The following SV2C variants were observed in gnomAD, a reference collection of about 807,000 sequenced individuals.
The protein encoded by SV2C is solute carrier family 22 member B3.
A neutral mutation model predicts 79.7 loss-of-function variants in SV2C; 49 were observed. That is an observed-to-expected ratio of 0.61 (90% CI 0.49 to 0.78). The LOEUF is 0.78. SV2C is among the 30% of genes least tolerant of loss of function. The probability of loss-of-function intolerance (pLI) is 0.00; values close to 1 mark genes in which losing one functional copy is unlikely to be tolerated. For synonymous variants in SV2C, 334 were observed against 333.2 expected (o/e 1.00, Z -0.03); for missense variants, 833 against 912.9 (o/e 0.91, Z 1.13).
At chr5:76,243,327 C>G (rs181874511) in intron 4 of SV2C, among the ~76,000 whole-genome samples, 1 of 152,332 alleles carries the variant, frequency 6.6e-6, no homozygotes, top group African/African-American at 2.4e-5. Context: ...ATTAGTTCTA[C>G]AGTCAACAAA....
the SV2C span, among the ~76,000 whole-genome samples, chr5:76,023,423 G>T: frequency 6.6e-6 from 1 of 152,090 alleles, no homozygotes. Context: ...TGATCCAAGA[G>T]CTCTGAAATA....
intron 4 of SV2C, among the ~76,000 whole-genome samples, chr5:76,279,888 G>T (rs1747129588): frequency 6.6e-6 from 1 of 152,172 alleles, no homozygotes; most frequent in African/African-American, 2.4e-5. Context: ...TTCCGTCCTT[G>T]AGGGAAAGAG....
chr5:76,295,181 C>T (rs1258928843), intron 8 of SV2C, among the ~76,000 whole-genome samples: 1 of 152,164 alleles, frequency 6.6e-6, no homozygotes, highest in African/African-American at 2.4e-5. Flanking sequence ...ACTGGAAGTC[C>T]AAGCTCAAGC....
At position 76,327,922 on chromosome 5, in the gene SV2C, C is replaced by T. The variant is rs771454354; in HGVS notation, c.*2375C>T. ...CCATCCGTGTCCCCTGCAGAAGGAC[C>T]GTTCTTGGCCTACTTGTTACCTAAT... On this transcript the variant is annotated 3_prime_UTR_variant, in exon 13 of 13. Transcript: ENST00000502798. 2.6e-5 allele frequency: 4 copies of T among 152,194 alleles called. No individual in the cohort carries two copies. Among genetic ancestry groups the T allele is most frequent in the African/African-American group, 2.4e-5 (1 of 41,426 alleles). 9.4% of individuals were successfully genotyped at this position (152,194 alleles called of 1,614,324 possible). A position where few individuals can be genotyped will look rare whatever the true frequency, so the allele number is the denominator to read the frequency against.
chr5:75,859,651 G>A, the SV2C span, among the ~76,000 whole-genome samples: 10 of 152,186 alleles, frequency 6.6e-5, no homozygotes, highest in South Asian at 2.1e-3. Flanking sequence ...TGCCCCTAGA[G>A]CATAACCACT....
the SV2C span, among the ~76,000 whole-genome samples, chr5:76,039,657 G>A: frequency 1.3e-5 from 2 of 151,576 alleles, no homozygotes; most frequent in African/African-American, 4.8e-5. Context: ...TCGAGAGGCA[G>A]GGGCAGGAGA....
chr5:75,907,660 A>G, the SV2C span, among the ~76,000 whole-genome samples: 2 of 152,228 alleles, frequency 1.3e-5, no homozygotes, highest in Non-Finnish European at 2.9e-5. Context: ...GCTAGTGGCT[A>G]CTGGTTGGGA....
the SV2C span, among the ~76,000 whole-genome samples, chr5:76,056,444 T>A: frequency 7.9e-5 from 12 of 152,146 alleles, no homozygotes; most frequent in Admixed American, 7.9e-4. Context: ...GATATTGGCA[T>A]GAAGTTTTCT....
At chr5:76,291,355 C>T in intron 7 of SV2C, 24 bp downstream of exon 7, 1 of 1,541,632 alleles carries the variant, frequency 6.5e-7, no homozygotes, top group Non-Finnish European at 8.8e-7. Context: ...CCCATGATGA[C>T]CTGCATGTTA....
chr5:76,133,949 A>G (rs1302001364), intron 2 of SV2C, among the ~76,000 whole-genome samples: 1 of 152,222 alleles, frequency 6.6e-6, no homozygotes, highest in Admixed American at 6.5e-5. Context: ...GCTTAAATTT[A>G]GAATAAAAAA....
At chr5:76,139,349 G>A (rs1749176658) in intron 2 of SV2C, among the ~76,000 whole-genome samples, 1 of 152,164 alleles carries the variant, frequency 6.6e-6, no homozygotes, top group African/African-American at 2.4e-5. Flanking sequence ...GAATGCTGTA[G>A]CTAAGACCTC....
intron 1 of SV2C, among the ~76,000 whole-genome samples, chr5:76,096,614 CAT>C (rs1747571815): frequency 6.6e-6 from 1 of 152,120 alleles, no homozygotes; most frequent in Non-Finnish European, 1.5e-5. Flanking sequence ...TGAGCAGAAA[CAT>C]GTGATGCCTT....
At chr5:76,147,225 T>C (rs946335291) in intron 2 of SV2C, among the ~76,000 whole-genome samples, 6 of 152,146 alleles carry the variant, frequency 3.9e-5, no homozygotes, top group African/African-American at 1.4e-4. Flanking sequence ...CTACATAAAT[T>C]TTAACACAAT....
intron 4 of SV2C, among the ~76,000 whole-genome samples, chr5:76,281,498 TAAG>T (rs896820493): frequency 2.6e-5 from 4 of 152,336 alleles, no homozygotes; most frequent in South Asian, 4.1e-4. Context: ...GCTTTAACTG[TAAG>T]AAGAAGTGTA....
chr5:76,039,573 T>C, the SV2C span, among the ~76,000 whole-genome samples: 1 of 151,868 alleles, frequency 6.6e-6, no homozygotes, highest in African/African-American at 2.4e-5. Flanking sequence ...CTGGACAACA[T>C]GGTGAAACCC....
intron 2 of SV2C, among the ~76,000 whole-genome samples, chr5:76,139,290 G>A (rs1368786964): frequency 6.6e-6 from 1 of 152,104 alleles, no homozygotes; most frequent in Non-Finnish European, 1.5e-5. Flanking sequence ...TATCTCTATT[G>A]TAGGGAAAGA....
the SV2C span, among the ~76,000 whole-genome samples, chr5:75,976,519 C>G: frequency 6.6e-6 from 1 of 151,922 alleles, no homozygotes. Context: ...GGCTTTCAGA[C>G]AGAGTCCAGT....
chr5:76,282,713 A>G (rs1463551374), intron 4 of SV2C, among the ~76,000 whole-genome samples: 2 of 152,162 alleles, frequency 1.3e-5, no homozygotes, highest in Non-Finnish European at 2.9e-5. Context: ...AATTGATTAG[A>G]ACAGTGGTAC....
intron 2 of SV2C, among the ~76,000 whole-genome samples, chr5:76,171,925 G>A (rs1325388144): frequency 6.1e-4 from 74 of 120,432 alleles, no homozygotes; most frequent in Non-Finnish European, 9.1e-4. Context: ...CGCCCCGTCC[G>A]GGAGGGAGGT....
Sources: allele counts gnomAD v4.1 joint callset (sites outside exome capture counted in the v4.1 genomes callset), GRCh38; gene constraint gnomAD v4.1.1; transcripts MANE v1.5; gene names NCBI Gene and HGNC (gene_info 2026-07-23, HGNC 2026-07-21).